Variants in MZT2B observed in about 807,000 individuals in gnomAD.
MZT2B encodes mitotic-spindle organizing protein 2B.
MZT2B carries 11 observed loss-of-function variants against 12.1 expected under a neutral mutation model. The ratio of observed to expected loss-of-function variants is 0.91; its 90% CI spans 0.57 to 1.50. The LOEUF is 1.50. Among genes scored for constraint, MZT2B ranks in the 40% most tolerant of loss-of-function variants. The probability of loss-of-function intolerance (pLI) is 0.00; values close to 1 mark genes in which losing one functional copy is unlikely to be tolerated. For synonymous variants in MZT2B, 85 were observed against 109.5 expected (o/e 0.78, Z 1.40); for missense variants, 209 against 227.7 (o/e 0.92, Z 0.53).
intron 2 of MZT2B, chr2:130,183,520 C>T (rs895338755): frequency 3.4e-6 from 2 of 588,808 alleles, no homozygotes; most frequent in Non-Finnish European, 6.1e-6. Context: ...CCGCATGTTG[C>T]TTCTGCTCCC....
chr2:130,204,716 G>A, the MZT2B span, among the ~76,000 whole-genome samples: 2,987 of 148,358 alleles, frequency 0.02, 78 homozygotes, highest in African/African-American at 0.062. Flanking sequence ...GGGGGGTGGG[G>A]AGGAAGCTAT....
At chr2:130,199,661 G>A in the MZT2B span, among the ~76,000 whole-genome samples, 1 of 121,142 alleles carries the variant, frequency 8.3e-6, no homozygotes, top group African/African-American at 3.1e-5. Flanking sequence ...GAAAAGAAGA[G>A]GCAGTTCCTA....
Position 130,190,454 on chromosome 2 carries a change from T to C in MZT2B, c.320-15T>C, listed in dbSNP as rs746303481. ...GCACGCCCATTCCTAATCATTGTGC[T>C]TTGTGTCTCCTCAGGGAGAAACAAA... is the stretch of plus-strand genomic sequence containing the variant. On this transcript the variant is annotated splice_polypyrimidine_tract_variant and intron_variant, in intron 2 of 2. Coordinates refer to ENST00000281871, the MANE Select transcript of MZT2B (RefSeq NM_025029.5). 1.3e-5 allele frequency: 21 copies of C among 1,612,478 alleles called. No homozygotes were observed. Among genetic ancestry groups the C allele is most frequent in the Non-Finnish European group, 1.8e-5 (21 of 1,178,928 alleles).
intron 2 of MZT2B, among the ~76,000 whole-genome samples, chr2:130,187,844 G>A (rs1380133583): frequency 6.6e-6 from 1 of 152,050 alleles, no homozygotes; most frequent in Non-Finnish European, 1.5e-5. Context: ...AAGTTATGTT[G>A]GTTTCACATT....
chr2:130,182,416 A>G lies in MZT2B; in HGVS notation c.134A>G (p.Gln45Arg). The G allele has an allele frequency of 6.4e-7, 1 of 1,564,504 alleles. No homozygotes were observed. The highest frequency in any genetic ancestry group is 8.6e-7 in the Non-Finnish European group (1 of 1,157,774). ...GAGATGGAGCTGTACGAGCTGGCGC[A>G]GGCGGCGGGCGGCGCTATCGACCCC... ...TEEMELYELA[Q>R]AAGGAIDPDV... The change falls in exon 1 of 3, where the codon CAG (glutamine) becomes CGG (arginine). Residue 45 changes from glutamine to arginine, a missense_variant. Gln to Arg is a conservative substitution (Grantham distance 43). Coordinates refer to ENST00000281871, the MANE Select transcript of MZT2B (RefSeq NM_025029.5).
rs773764862 is a variant in MZT2B at position 130,189,354 on chromosome 2, CAG to C, written c.320-1114_320-1113del. Among the ~76,000 whole-genome samples, 12 of 152,284 alleles carry C rather than the reference CAG, an allele frequency of 7.9e-5. No homozygotes were observed. In the South Asian group the frequency reaches 1.7e-3, roughly 21 times the overall value. On this transcript the variant is annotated intron_variant, in intron 2 of 2. Transcript: ENST00000281871. Reference sequence around the variant, plus strand: ...TCCAGGCAACAACCTAAACGTGTATCAGTGTCTGGTAACATGCAAGCCCCAGC... The same window carrying C: ...TCCAGGCAACAACCTAAACGTGTATCTGTCTGGTAACATGCAAGCCCCAGC...
At chr2:130,183,090 C>A in intron 2 of MZT2B, 1 of 501,646 alleles carries the variant, frequency 2.0e-6, no homozygotes, top group South Asian at 2.5e-5. Flanking sequence ...CAGTTTGGGG[C>A]TGGGCGCCCT....
At chr2:130,182,015 T>A (rs1392197741), upstream of MZT2B, 28 of 1,357,122 alleles carry the variant, frequency 2.1e-5, no homozygotes, top group Non-Finnish European at 2.7e-5. Flanking sequence ...ACCAATGCAG[T>A]CTATCAGGGA....
chr2:130,194,238 A>G, downstream of MZT2B: 1 of 1,612,222 alleles, frequency 6.2e-7, no homozygotes, highest in South Asian at 1.1e-5. Flanking sequence ...TCGACCATGA[A>G]GGCACAGTCA....
chr2:130,183,997 G>A, intron 2 of MZT2B: 2 of 1,550,448 alleles, frequency 1.3e-6, no homozygotes, highest in South Asian at 1.2e-5. Flanking sequence ...TCTGGGGGTT[G>A]GTGCTCTCCC....
upstream of MZT2B, chr2:130,181,863 T>TCC: frequency 1.4e-6 from 2 of 1,438,582 alleles, no homozygotes; most frequent in Non-Finnish European, 1.9e-6. Flanking sequence ...GCCCCCCCCT[T>TCC]CCCCCCGCCC....
At chr2:130,202,959 T>A in the MZT2B span, among the ~76,000 whole-genome samples, 2 of 152,154 alleles carry the variant, frequency 1.3e-5, no homozygotes, top group Non-Finnish European at 2.9e-5. Flanking sequence ...CTTTATAAAT[T>A]TGGTTTTTAG....
downstream of MZT2B, among the ~76,000 whole-genome samples, chr2:130,191,172 G>A (rs982539713): frequency 1.9e-4 from 29 of 152,066 alleles, no homozygotes; most frequent in Admixed American, 5.2e-4. Context: ...GGTTGGTCTC[G>A]ATCTCCCACC....
chr2:130,183,777 T>C (rs924046009), intron 2 of MZT2B: 6 of 1,550,532 alleles, frequency 3.9e-6, no homozygotes, highest in Non-Finnish European at 5.2e-6. Flanking sequence ...TGTCTCTCTC[T>C]GACCTCCAGA....
In MZT2B at chr2:130,183,710, G is replaced by T. The variant is rs569854129; in HGVS notation, c.319+935G>T. 5.2e-6 allele frequency: 8 copies of T among 1,550,282 alleles called. No individual in the cohort carries two copies. The South Asian group carries it at 7.1e-5, about 14-fold the overall frequency. On this transcript the variant is annotated intron_variant, in intron 2 of 2. Transcript: ENST00000281871. ...CACCCACACCCGCTGACCCAAGAGG[G>T]CCCGGGCACCTGCGTGCTGGCCTCT...
chr2:130,203,048 CTTT>C, the MZT2B span, among the ~76,000 whole-genome samples: 289 of 118,456 alleles, frequency 2.4e-3, no homozygotes, highest in African/African-American at 8.1e-3. Context: ...TTTCTTTTTT[CTTT>C]TTTTTTTTTT....
the MZT2B span, among the ~76,000 whole-genome samples, chr2:130,196,615 A>G: frequency 6.6e-6 from 1 of 152,206 alleles, no homozygotes; most frequent in Non-Finnish European, 1.5e-5. Context: ...CACAAAACTT[A>G]GGTTATTTTA....
Position 130,182,887 on chromosome 2 carries a change from C to T in MZT2B, c.319+112C>T, listed in dbSNP as rs115423609. On this transcript the variant is annotated intron_variant, in intron 2 of 2. Coordinates refer to ENST00000281871, the MANE Select transcript of MZT2B (RefSeq NM_025029.5). Reference sequence around the variant, plus strand: ...TGAGTGGCCAGGCCTGTCTGTCGGTCTAGGCCCAGCACCTGCAGGGCCCAT... The same window carrying T: ...TGAGTGGCCAGGCCTGTCTGTCGGTTTAGGCCCAGCACCTGCAGGGCCCAT... The T allele has an allele frequency of 3.5e-4, 518 of 1,465,862 alleles. No individual in the cohort carries two copies. In the African/African-American group the frequency reaches 6.3e-3, roughly 18 times the overall value. 90.8% of individuals were successfully genotyped at this position (1,465,862 alleles called of 1,614,324 possible).
the MZT2B span, among the ~76,000 whole-genome samples, chr2:130,198,126 A>G: frequency 1.4e-4 from 17 of 122,942 alleles, 5 homozygotes; most frequent in African/African-American, 4.9e-4. Flanking sequence ...GATACCGTCA[A>G]TGGTCCCCGT....
Sources: allele counts gnomAD v4.1 joint callset (sites outside exome capture counted in the v4.1 genomes callset), GRCh38; gene constraint gnomAD v4.1.1; transcripts MANE v1.5; gene names NCBI Gene and HGNC (gene_info 2026-07-23, HGNC 2026-07-21).